PDE4B: variants seen among roughly 807,000 people sequenced by gnomAD.
PDE4B encodes phosphodiesterase 4B.
PDE4B carries 20 observed loss-of-function variants against 82.2 expected under a neutral mutation model. That is an observed-to-expected ratio of 0.24 (90% CI 0.17 to 0.35). The LOEUF (loss-of-function observed/expected upper bound fraction) is 0.35. PDE4B is among the 10% of genes least tolerant of loss of function. The probability of loss-of-function intolerance (pLI) is 1.00; values close to 1 mark genes in which losing one functional copy is unlikely to be tolerated. For synonymous variants in PDE4B, 320 were observed against 318.9 expected, an observed-to-expected ratio of 1.00 and a Z score of -0.04; for missense variants, 655 against 907.2, an observed-to-expected ratio of 0.72 and a Z score of 3.57.
chr1:65,895,593 A>G (rs533809623), intron 1 of PDE4B, among the ~76,000 whole-genome samples: 6 of 151,286 alleles, frequency 4.0e-5, no homozygotes, highest in Admixed American at 1.3e-4. Flanking sequence ...CACAGGATAA[A>G]TATGGGGTCT....
chr1:66,195,558 C>G (rs1199421323), intron 3 of PDE4B, among the ~76,000 whole-genome samples: 1 of 152,128 alleles, frequency 6.6e-6, no homozygotes, highest in Non-Finnish European at 1.5e-5. Flanking sequence ...GAAAGAAGAA[C>G]TTTGGAATCA....
chr1:65,972,430 T>C (rs1650193600), intron 3 of PDE4B, among the ~76,000 whole-genome samples: 1 of 152,178 alleles, frequency 6.6e-6, no homozygotes, highest in African/African-American at 2.4e-5. Context: ...GCTTTTTGAG[T>C]TTTAGAATTT....
chr1:65,941,340 A>G (rs755882875), intron 3 of PDE4B, among the ~76,000 whole-genome samples: 10 of 152,048 alleles, frequency 6.6e-5, no homozygotes, highest in Non-Finnish European at 1.2e-4. Context: ...ATTCACATCT[A>G]AAGAAATATA....
intron 3 of PDE4B, chr1:66,152,563 T>C (rs1355660862): frequency 1.8e-5 from 5 of 276,204 alleles, no homozygotes; most frequent in Non-Finnish European, 4.2e-5. Context: ...ATAAAATATA[T>C]ATATGATTAA....
At chr1:66,113,846 A>G (rs955169551) in intron 3 of PDE4B, among the ~76,000 whole-genome samples, 5 of 152,210 alleles carry the variant, frequency 3.3e-5, no homozygotes, top group Non-Finnish European at 7.3e-5. Context: ...TTGAGAGTCA[A>G]TAGATAATAG....
chr1:66,006,876 CCT>C (rs1557492526), intron 3 of PDE4B, among the ~76,000 whole-genome samples: 1 of 152,110 alleles, frequency 6.6e-6, no homozygotes, highest in Non-Finnish European at 1.5e-5. Flanking sequence ...GTCAATTAAA[CCT>C]CTTTCCTTTA....
chr1:66,264,592 G>T (rs759736056), intron 6 of PDE4B, among the ~76,000 whole-genome samples: 1 of 152,112 alleles, frequency 6.6e-6, no homozygotes, highest in Non-Finnish European at 1.5e-5. Context: ...ATACCACTGA[G>T]AGTTTAAAAG....
At chr1:66,258,270 A>T (rs1364061813) in intron 6 of PDE4B, among the ~76,000 whole-genome samples, 1 of 152,208 alleles carries the variant, frequency 6.6e-6, no homozygotes, top group Non-Finnish European at 1.5e-5. Flanking sequence ...TTCAAGTTCA[A>T]TTTGCCTAAT....
intron 3 of PDE4B, among the ~76,000 whole-genome samples, chr1:65,946,946 A>T (rs577243615): frequency 1.3e-5 from 2 of 152,172 alleles, no homozygotes; most frequent in East Asian, 3.9e-4. Flanking sequence ...ACTTTGGAAT[A>T]CATATCCCAG....
At chr1:66,001,398 A>G (rs1021832107) in intron 3 of PDE4B, among the ~76,000 whole-genome samples, 12 of 152,256 alleles carry the variant, frequency 7.9e-5, no homozygotes, top group African/African-American at 2.9e-4. Flanking sequence ...TGGGATCAAA[A>G]GAAAAATATT....
chr1:65,864,400 C>T (rs796976964), intron 1 of PDE4B, among the ~76,000 whole-genome samples: 2 of 152,030 alleles, frequency 1.3e-5, no homozygotes, highest in Non-Finnish European at 2.9e-5. Context: ...GTTTTGTGCC[C>T]TTGCTGGAGA....
chr1:65,903,811 T>G (rs896602283), intron 1 of PDE4B, among the ~76,000 whole-genome samples: 3 of 152,146 alleles, frequency 2.0e-5, no homozygotes, highest in Non-Finnish European at 2.9e-5. Flanking sequence ...CTGAATCCCC[T>G]GACATTTTAA....
At chr1:66,230,523 A>T (rs1651865281) in intron 3 of PDE4B, among the ~76,000 whole-genome samples, 1 of 152,336 alleles carries the variant, frequency 6.6e-6, no homozygotes, top group East Asian at 1.9e-4. Flanking sequence ...TAATAATCCT[A>T]CCATAGGGAT....
In PDE4B at chr1:66,206,369, G is replaced by A. The variant is rs76091712; in HGVS notation, c.282-41091G>A. Among the ~76,000 whole-genome samples, 45 of 152,174 alleles carry A rather than the reference G, an allele frequency of 3.0e-4. 1 individual carries two copies. In the East Asian group the frequency reaches 6.4e-3, roughly 22 times the overall value. On this transcript the variant is annotated intron_variant, in intron 3 of 16. Coordinates refer to ENST00000341517, the MANE Select transcript of PDE4B (RefSeq NM_002600.4). ...CTGGAGCAAAAAGAGAATCTCTAGC[G>A]GGGGGATACAGCCTAACTCCACCCT...
At chr1:65,931,655 C>G (rs918973832) in intron 3 of PDE4B, among the ~76,000 whole-genome samples, 2 of 152,332 alleles carry the variant, frequency 1.3e-5, no homozygotes, top group Non-Finnish European at 2.9e-5. Flanking sequence ...GACAAATTCT[C>G]TTACTGAGAA....
intron 3 of PDE4B, among the ~76,000 whole-genome samples, chr1:65,971,527 G>A (rs1444124970): frequency 2.0e-5 from 3 of 152,092 alleles, no homozygotes; most frequent in Non-Finnish European, 4.4e-5. Flanking sequence ...CACCTTATAT[G>A]ACTTTAATAA....
intron 1 of PDE4B, among the ~76,000 whole-genome samples, chr1:65,840,591 A>C (rs1312850633): frequency 6.6e-6 from 1 of 152,222 alleles, no homozygotes; most frequent in African/African-American, 2.4e-5. Context: ...CAGTAAAAAA[A>C]GTTCCCAGAA....
At chr1:66,028,415 G>C (rs1238220811) in intron 3 of PDE4B, among the ~76,000 whole-genome samples, 2 of 152,174 alleles carry the variant, frequency 1.3e-5, no homozygotes, top group Non-Finnish European at 2.9e-5. Context: ...TGTGATGGGA[G>C]GGGCTGCTGT....
At chr1:65,892,773 C>G (rs1425131513) in intron 1 of PDE4B, among the ~76,000 whole-genome samples, 1 of 151,990 alleles carries the variant, frequency 6.6e-6, no homozygotes, top group Admixed American at 6.6e-5. Flanking sequence ...AAACAATAAC[C>G]TTTTATTCAT....
Sources: gnomAD v4.1 joint callset for allele counts (sites outside exome capture counted in the v4.1 genomes callset) on GRCh38, gnomAD v4.1.1 for gene constraint, MANE v1.5 for transcripts, NCBI Gene and HGNC (gene_info 2026-07-23, HGNC 2026-07-21) for gene names.